Variants in SUPT3H observed in about 807,000 individuals in gnomAD.
SUPT3H encodes transcription initiation protein SPT3 homolog.
In SUPT3H, 44 loss-of-function variants were observed where a neutral mutation model predicts 44.3. The ratio of observed to expected loss-of-function variants is 0.99; its 90% confidence interval spans 0.78 to 1.28. The LOEUF (loss-of-function observed/expected upper bound fraction) is 1.28. Among genes scored for constraint, SUPT3H ranks in the 50% most tolerant of loss-of-function variants. SUPT3H has a pLI of 0.00. For missense variants in SUPT3H, 380 were observed against 387.1 expected (o/e 0.98, Z 0.15); for synonymous variants, 124 against 125.6 (o/e 0.99, Z 0.09).
chr6:44,871,014 C>T (rs1776351673), intron 10 of SUPT3H, among the ~76,000 whole-genome samples: 1 of 150,442 alleles, frequency 6.6e-6, no homozygotes, highest in Non-Finnish European at 1.5e-5. Context: ...CGGAATCTCG[C>T]TGATTGCTAG....
At chr6:45,178,819 G>A (rs914089166) in intron 2 of SUPT3H, among the ~76,000 whole-genome samples, 1 of 151,920 alleles carries the variant, frequency 6.6e-6, no homozygotes. Context: ...ATGACTACTG[G>A]GTACATAACG....
At chr6:45,116,756 G>A (rs1800903638) in intron 2 of SUPT3H, among the ~76,000 whole-genome samples, 1 of 152,064 alleles carries the variant, frequency 6.6e-6, no homozygotes, top group African/African-American at 2.4e-5. Flanking sequence ...AAATCCAGTT[G>A]TTTAAAAGTG....
chr6:44,823,847 C>T (rs1245107028), downstream of SUPT3H, among the ~76,000 whole-genome samples: 1 of 152,176 alleles, frequency 6.6e-6, no homozygotes, highest in Non-Finnish European at 1.5e-5. Flanking sequence ...CCTGTAATCC[C>T]AGCTACTCGG....
intron 10 of SUPT3H, among the ~76,000 whole-genome samples, chr6:44,923,944 T>C (rs750293618): frequency 2.0e-5 from 3 of 152,138 alleles, no homozygotes; most frequent in Admixed American, 6.5e-5. Context: ...ATGGTTTCAA[T>C]AGACGAAGCA....
chr6:45,120,416 CTAAAA>C (rs1250400061), intron 2 of SUPT3H, among the ~76,000 whole-genome samples: 2 of 11,644 alleles, frequency 1.7e-4, no homozygotes, highest in African/African-American at 6.3e-4. Context: ...GAGACCTTGT[CTAAAA>C]AAAAAAAAAA....
chr6:45,132,330 T>C lies in SUPT3H; in HGVS notation c.102-26324A>G, dbSNP rs549209952. ...ACCCTGGTACATAAAATAAGCTAAC[T>C]TCTAAGACCTTTTACAGTTCCCTAT... On this transcript the variant is annotated intron_variant, in intron 2 of 10. Transcript: ENST00000371459. 9.8e-5 allele frequency among the ~76,000 whole-genome samples: 15 copies of C among 152,306 alleles called. No individual in the cohort carries two copies. The South Asian group carries it at 2.7e-3, about 27-fold the overall frequency.
chr6:45,060,545 T>C (rs754204998), intron 3 of SUPT3H, among the ~76,000 whole-genome samples: 12 of 151,650 alleles, frequency 7.9e-5, no homozygotes, highest in Non-Finnish European at 1.5e-4. Context: ...AAAGATTTCA[T>C]GACAAAACCA....
At chr6:45,215,473 A>G (rs2153632655) in intron 2 of SUPT3H, among the ~76,000 whole-genome samples, 1 of 152,320 alleles carries the variant, frequency 6.6e-6, no homozygotes, top group South Asian at 2.1e-4. Context: ...ATCTACAAGA[A>G]AAATTATATG....
At chr6:45,177,447 T>A (rs569196500) in intron 2 of SUPT3H, among the ~76,000 whole-genome samples, 1 of 152,200 alleles carries the variant, frequency 6.6e-6, no homozygotes, top group African/African-American at 2.4e-5. Flanking sequence ...GTCTGATTGG[T>A]GTACTTGAAA....
At chr6:44,826,578 A>G (rs1008600531), downstream of SUPT3H, among the ~76,000 whole-genome samples, 3 of 152,202 alleles carry the variant, frequency 2.0e-5, no homozygotes, top group African/African-American at 7.2e-5. Context: ...TCCAAATTCC[A>G]GGGGGGCAGA....
chr6:44,892,937 T>C (rs1763530887), intron 10 of SUPT3H, among the ~76,000 whole-genome samples: 2 of 152,186 alleles, frequency 1.3e-5, no homozygotes, highest in South Asian at 2.1e-4. Context: ...TTTTGTACTT[T>C]ACTCTTTTTT....
chr6:45,307,290 C>T (rs1389079126), intron 2 of SUPT3H, among the ~76,000 whole-genome samples: 1 of 152,202 alleles, frequency 6.6e-6, no homozygotes, highest in East Asian at 1.9e-4. Flanking sequence ...CAGCACACAG[C>T]TGGAGGTCTG....
At chr6:45,318,980 T>C (rs1024082156) in intron 2 of SUPT3H, among the ~76,000 whole-genome samples, 5 of 152,164 alleles carry the variant, frequency 3.3e-5, no homozygotes. Flanking sequence ...ATATTAAATA[T>C]TTCCCAGTCT....
intron 2 of SUPT3H, among the ~76,000 whole-genome samples, chr6:45,302,566 AATTT>A (rs1782328118): frequency 7.9e-6 from 1 of 126,146 alleles, no homozygotes; most frequent in East Asian, 2.2e-4. Context: ...TGCATGCCAC[AATTT>A]ATTTATCTAC....
intron 10 of SUPT3H, among the ~76,000 whole-genome samples, chr6:44,858,275 T>G (rs893644191): frequency 4.6e-5 from 7 of 152,166 alleles, no homozygotes; most frequent in African/African-American, 1.7e-4. Context: ...AACAAATTAG[T>G]AACATGCTGA....
chr6:45,040,971 C>T (rs1263374692), intron 3 of SUPT3H, among the ~76,000 whole-genome samples: 1 of 152,196 alleles, frequency 6.6e-6, no homozygotes, highest in Admixed American at 6.5e-5. Context: ...CACCAGAGAA[C>T]TGGTGGCTAC....
chr6:45,309,431 A>G (rs563707662), intron 2 of SUPT3H, among the ~76,000 whole-genome samples: 6 of 152,100 alleles, frequency 3.9e-5, no homozygotes, highest in African/African-American at 1.4e-4. Flanking sequence ...CTTAAGGACA[A>G]GTTAGTTAAA....
intron 3 of SUPT3H, among the ~76,000 whole-genome samples, chr6:45,072,636 A>T (rs548016058): frequency 1.9e-4 from 5 of 26,750 alleles, no homozygotes; most frequent in Non-Finnish European, 2.5e-4. Context: ...TTATTGTTTC[A>T]CTTCAGCATA....
chr6:44,901,467 T>A (rs1166235673), intron 10 of SUPT3H, among the ~76,000 whole-genome samples: 1 of 151,212 alleles, frequency 6.6e-6, no homozygotes, highest in Non-Finnish European at 1.5e-5. Flanking sequence ...AAGAGAAGTT[T>A]AGAGAAAAAA....
Sources: gnomAD v4.1 joint callset for allele counts (sites outside exome capture counted in the v4.1 genomes callset) on GRCh38, gnomAD v4.1.1 for gene constraint, MANE v1.5 for transcripts, NCBI Gene and HGNC (gene_info 2026-07-23, HGNC 2026-07-21) for gene names.